LIMD1: variants seen among roughly 807,000 people sequenced by gnomAD.
LIMD1 encodes LIM domain containing 1, also known as LIM domain-containing protein 1.
In LIMD1, 23 loss-of-function variants were observed where a neutral mutation model predicts 58.4. That is an observed-to-expected ratio of 0.39 (90% confidence interval 0.28 to 0.56). The LOEUF is 0.56. Among genes scored for constraint, LIMD1 ranks in the 20% least tolerant of loss-of-function variants. LIMD1 has a pLI of 0.57. For synonymous variants in LIMD1, 334 were observed against 345.5 expected (o/e 0.97, Z 0.37); for missense variants, 838 against 855.5 (o/e 0.98, Z 0.25).
chr3:45,638,614 G>A (rs1208544446), intron 2 of LIMD1, among the ~76,000 whole-genome samples: 2 of 152,144 alleles, frequency 1.3e-5, no homozygotes, highest in Non-Finnish European at 2.9e-5. Flanking sequence ...ATAAACATAC[G>A]AGTGCAGGTA....
chr3:45,636,024 T>C (rs1191544145), intron 1 of LIMD1, 126 bp from the exon 2 acceptor site: 1 of 1,544,702 alleles, frequency 6.5e-7, no homozygotes, highest in Non-Finnish European at 8.7e-7. Flanking sequence ...AAATGAGTCA[T>C]CCACTGGATT....
intron 1 of LIMD1, among the ~76,000 whole-genome samples, chr3:45,609,828 G>A (rs1321511900): frequency 6.6e-6 from 1 of 152,092 alleles, no homozygotes; most frequent in Non-Finnish European, 1.5e-5. Flanking sequence ...TGGGGTTTTT[G>A]TCTGTTTTGT....
intron 1 of LIMD1, among the ~76,000 whole-genome samples, chr3:45,623,887 C>T (rs946477376): frequency 2.6e-5 from 4 of 152,138 alleles, no homozygotes; most frequent in African/African-American, 7.2e-5. Context: ...ATTCGCACAT[C>T]GATTCTGTAC....
chr3:45,604,212 T>C (rs1317152724), intron 1 of LIMD1, among the ~76,000 whole-genome samples: 2 of 152,188 alleles, frequency 1.3e-5, no homozygotes, highest in Admixed American at 6.5e-5. Flanking sequence ...CTCCACTGTA[T>C]GTCCTCCTGG....
intron 2 of LIMD1, among the ~76,000 whole-genome samples, chr3:45,663,937 C>T (rs1186247981): frequency 1.4e-5 from 2 of 143,754 alleles, no homozygotes; most frequent in Non-Finnish European, 3.0e-5. Flanking sequence ...GTGGCATGAT[C>T]TCGGCTCACT....
intron 2 of LIMD1, among the ~76,000 whole-genome samples, chr3:45,641,931 G>A (rs1701847185): frequency 6.6e-6 from 1 of 152,236 alleles, no homozygotes; most frequent in African/African-American, 2.4e-5. Flanking sequence ...TACCTCATTA[G>A]AGATGAGACA....
chr3:45,631,807 A>G (rs939990424), intron 1 of LIMD1, among the ~76,000 whole-genome samples: 5 of 152,296 alleles, frequency 3.3e-5, no homozygotes, highest in Middle Eastern at 3.4e-3. Flanking sequence ...TCTTATGAAC[A>G]GGGGTAGGAG....
In LIMD1 at chr3:45,594,829, A is replaced by AG; in HGVS notation, c.-51_-50insG. On this transcript the variant is annotated 5_prime_UTR_variant, in exon 1 of 8. Transcript: ENST00000273317. ...CACACACACACACACACACACACAC[A>AG]CACACACACACACACGGCACCTGGG... The AG allele has an allele frequency of 1.1e-6, 1 of 877,474 alleles. No homozygotes were observed. The highest frequency in any genetic ancestry group is 2.2e-5 in the African/African-American group (1 of 46,378). 54.4% of individuals were successfully genotyped at this position (877,474 alleles called of 1,614,324 possible). A position where few individuals can be genotyped will look rare whatever the true frequency, so the allele number is the denominator to read the frequency against.
chr3:45,608,207 C>T (rs577406819), intron 1 of LIMD1, among the ~76,000 whole-genome samples: 23 of 152,284 alleles, frequency 1.5e-4, no homozygotes, highest in Admixed American at 1.1e-3. Flanking sequence ...TCCTCAGTTT[C>T]TTCATATTAT....
At chr3:45,598,062 G>A (rs1324983451) in intron 1 of LIMD1, among the ~76,000 whole-genome samples, 2 of 151,796 alleles carry the variant, frequency 1.3e-5, no homozygotes, top group Non-Finnish European at 2.9e-5. Context: ...TAGACCTCCC[G>A]GACTCAAGGC....
Position 45,685,189 on chromosome 3 carries a change from T to C in LIMD1, c.*8130T>C, listed in dbSNP as rs531823907. ...ACTTGGCTACAGATATGAATTTATA[T>C]TACCCATCATTGGCTGGTTCCTTAT... On this transcript the variant is annotated 3_prime_UTR_variant, in exon 8 of 8. Coordinates refer to ENST00000273317, the MANE Select transcript of LIMD1 (RefSeq NM_014240.3). 10 of 152,346 alleles carry C rather than the reference T, an allele frequency of 6.6e-5. No homozygotes were observed. Among genetic ancestry groups the C allele is most frequent in the Admixed American group, 2.0e-4 (3 of 15,306 alleles). The allele number at this position is 152,346 out of a possible 1,614,324, so 9.4% of individuals were successfully genotyped here. A position where few individuals can be genotyped will look rare whatever the true frequency, so the allele number is the denominator to read the frequency against.
At chr3:45,598,955 T>C (rs553129661) in intron 1 of LIMD1, among the ~76,000 whole-genome samples, 16 of 152,092 alleles carry the variant, frequency 1.1e-4, no homozygotes, top group Admixed American at 5.2e-4. Flanking sequence ...TTATGCCCAT[T>C]TTACTGATGA....
Position 45,653,677 on chromosome 3 carries a change from A to G in LIMD1, c.1511-11973A>G, listed in dbSNP as rs116699135. Among the ~76,000 whole-genome samples the G allele has an allele frequency of 5.7e-3, 874 of 152,284 alleles. 7 individuals are homozygous for G. Among genetic ancestry groups the G allele is most frequent in the African/African-American group, 0.02 (820 of 41,558 alleles). On this transcript the variant is annotated intron_variant, in intron 2 of 7. Transcript: ENST00000273317. ...CTAATCCTAGCACTTTGGGAGGCTGAGGTAGCCAGATCACCTGAGGTCAGG... is the reference window on the plus strand; with the variant it reads ...CTAATCCTAGCACTTTGGGAGGCTGGGGTAGCCAGATCACCTGAGGTCAGG...
rs760874828 is a variant in LIMD1 at position 45,672,734 on chromosome 3, C to T, written c.1686C>T (p.Arg562=). ...AGTCCTACCACCCCGGCTGTTTCCGCTGTGTCATCTGTAATGAGTGTTTGG... is the reference window on the plus strand; with the variant it reads ...AGTCCTACCACCCCGGCTGTTTCCGTTGTGTCATCTGTAATGAGTGTTTGG... ...LGKSYHPGCF[R]CVICNECLDG... is the part of the protein sequence containing the mutation. Residue 562 remains arginine, a synonymous_variant, in exon 5 of 8, where the codon CGC becomes CGT. Coordinates refer to ENST00000273317, the MANE Select transcript of LIMD1 (RefSeq NM_014240.3). 20 of 1,613,972 alleles carry T rather than the reference C, an allele frequency of 1.2e-5. No individual in the cohort carries two copies. Among genetic ancestry groups the T allele is most frequent in the Non-Finnish European group, 1.6e-5 (19 of 1,179,980 alleles).
intron 2 of LIMD1, among the ~76,000 whole-genome samples, chr3:45,662,880 A>G (rs1697462647): frequency 6.6e-6 from 1 of 152,012 alleles, no homozygotes; most frequent in Non-Finnish European, 1.5e-5. Flanking sequence ...GTTGCTTGGG[A>G]GGCTGAGGCA....
At chr3:45,660,015 A>G (rs78498923) in intron 2 of LIMD1, among the ~76,000 whole-genome samples, 181 of 152,344 alleles carry the variant, frequency 1.2e-3, no homozygotes, top group Non-Finnish European at 1.8e-3. Flanking sequence ...TGCATGTTCA[A>G]TGATCTTCCT....
rs141354602 is a variant in LIMD1 at position 45,664,744 on chromosome 3, C to A, written c.1511-906C>A. 8.9e-4 allele frequency among the ~76,000 whole-genome samples: 135 copies of A among 152,332 alleles called. 1 individual carries two copies. In the Middle Eastern group the frequency reaches 0.014, roughly 15 times the overall value. On this transcript the variant is annotated intron_variant, in intron 2 of 7. Coordinates refer to ENST00000273317, the MANE Select transcript of LIMD1 (RefSeq NM_014240.3). ...GCGAGGGCAGCCAGTGTTCGTCTGG[C>A]GGGTTTCTCTGTATCTCGGGCACTG...
rs927306845 is a variant in LIMD1, at chr3:45,650,745, A to G, written c.1510+14494A>G. Among the ~76,000 whole-genome samples, 5 of 152,148 alleles carry G rather than the reference A, an allele frequency of 3.3e-5. No individual in the cohort carries two copies. The East Asian group carries it at 5.8e-4, about 18-fold the overall frequency. On this transcript the variant is annotated intron_variant, in intron 2 of 7. Coordinates refer to ENST00000273317, the MANE Select transcript of LIMD1 (RefSeq NM_014240.3). ...TTTATCCAGCCTATTATTGATGGAT[A>G]TTTGGGTTGGTTCCAAGTCTTTGCT...
chr3:45,636,519 G>T (rs930392688), intron 2 of LIMD1, among the ~76,000 whole-genome samples: 8 of 152,108 alleles, frequency 5.3e-5, no homozygotes, highest in Admixed American at 4.6e-4. Context: ...ATCACATCAG[G>T]TTTGAAATAT....
Sources: allele counts gnomAD v4.1 joint callset (sites outside exome capture counted in the v4.1 genomes callset), GRCh38; gene constraint gnomAD v4.1.1; transcripts MANE v1.5; gene names NCBI Gene and HGNC (gene_info 2026-07-23, HGNC 2026-07-21).